ZCWPW2: variants seen among roughly 807,000 people sequenced by gnomAD.
ZCWPW2 encodes zinc finger CW-type PWWP domain protein 2.
A neutral mutation model predicts 46.6 loss-of-function variants in ZCWPW2; 45 were observed. That is an observed-to-expected ratio of 0.96 (90% CI 0.76 to 1.24). The LOEUF (loss-of-function observed/expected upper bound fraction) is 1.24. Ranked by LOEUF, ZCWPW2 falls within the 50% of genes most tolerant of loss-of-function variation. ZCWPW2 has a pLI of 0.00. For missense variants in ZCWPW2, 429 were observed against 403.9 expected (o/e 1.06, Z -0.53); for synonymous variants, 152 against 137.1 (o/e 1.11, Z -0.76).
intron 4 of ZCWPW2, among the ~76,000 whole-genome samples, chr3:28,466,641 A>T (rs979416909): frequency 6.6e-6 from 1 of 152,112 alleles, no homozygotes; most frequent in African/African-American, 2.4e-5. Flanking sequence ...TCTATTAAAA[A>T]TACAAAAATT....
chr3:28,518,843 G>A (rs575080695), intron 8 of ZCWPW2, among the ~76,000 whole-genome samples: 1 of 152,244 alleles, frequency 6.6e-6, no homozygotes, highest in Admixed American at 6.5e-5. Flanking sequence ...AGTGGAACTG[G>A]GGAATTGGTG....
chr3:28,498,971 G>A lies in ZCWPW2; in HGVS notation c.657+6798G>A, dbSNP rs185390224. Among the ~76,000 whole-genome samples, 385 of 152,110 alleles carry A rather than the reference G, an allele frequency of 2.5e-3. 1 individual carries two copies. The highest frequency in any genetic ancestry group is 8.5e-3 in the African/African-American group (352 of 41,504). ...CTTCATCCATGTCCCTGCAAAGGAC[G>A]TGAACTCATCCTTTTTTATGGCTGC... On this transcript the variant is annotated intron_variant, in intron 6 of 9. Transcript: ENST00000383768.
chr3:28,497,172 ATT>A (rs1700011782), intron 6 of ZCWPW2, among the ~76,000 whole-genome samples: 1 of 150,394 alleles, frequency 6.6e-6, no homozygotes, highest in Non-Finnish European at 1.5e-5. Flanking sequence ...CCATCTTTGC[ATT>A]GTGTTTTTGG....
chr3:28,350,417 T>C (rs1704501564), intron 1 of ZCWPW2, among the ~76,000 whole-genome samples: 1 of 152,204 alleles, frequency 6.6e-6, no homozygotes, highest in South Asian at 2.1e-4. Flanking sequence ...CATAAATCAG[T>C]ATTTTGAAGT....
chr3:28,491,368 T>C (rs1559527303), intron 5 of ZCWPW2, among the ~76,000 whole-genome samples: 1 of 152,160 alleles, frequency 6.6e-6, no homozygotes. Context: ...CACACATACA[T>C]ACTTTAGCAC....
intron 2 of ZCWPW2, among the ~76,000 whole-genome samples, chr3:28,396,988 G>T (rs1050592719): frequency 7.9e-5 from 12 of 152,076 alleles, no homozygotes; most frequent in Non-Finnish European, 1.5e-4. Context: ...AATTAGCTGG[G>T]CGTGGTGGCA....
intron 6 of ZCWPW2, among the ~76,000 whole-genome samples, chr3:28,501,495 C>G (rs1348817517): frequency 6.6e-6 from 1 of 152,142 alleles, no homozygotes; most frequent in African/African-American, 2.4e-5. Context: ...CAACGACGAC[C>G]TCCTATAAAT....
chr3:28,436,864 G>A (rs905886048), intron 4 of ZCWPW2, among the ~76,000 whole-genome samples: 7 of 152,124 alleles, frequency 4.6e-5, no homozygotes, highest in Admixed American at 2.6e-4. Context: ...TAAAGGATAC[G>A]GGAATCTTTT....
chr3:28,409,365 C>T (rs539204108), intron 2 of ZCWPW2, among the ~76,000 whole-genome samples: 1 of 152,130 alleles, frequency 6.6e-6, no homozygotes, highest in Non-Finnish European at 1.5e-5. Flanking sequence ...AATGATTCAC[C>T]AGCTTCAGCC....
chr3:28,516,556 C>T (rs1700579554), intron 8 of ZCWPW2, among the ~76,000 whole-genome samples: 1 of 152,080 alleles, frequency 6.6e-6, no homozygotes, highest in South Asian at 2.1e-4. Context: ...CAGTGAAATG[C>T]TTATTTGCAA....
intron 4 of ZCWPW2, among the ~76,000 whole-genome samples, chr3:28,474,212 G>T (rs1418578596): frequency 6.6e-6 from 1 of 152,040 alleles, no homozygotes; most frequent in Non-Finnish European, 1.5e-5. Context: ...GTCAAAACTC[G>T]GAACAGAAGT....
At chr3:28,392,177 A>G in intron 2 of ZCWPW2, among the ~76,000 whole-genome samples, 1 of 152,214 alleles carries the variant, frequency 6.6e-6, no homozygotes, top group Non-Finnish European at 1.5e-5. Context: ...GGCTACACAT[A>G]TTAGACAAAA....
intron 3 of ZCWPW2, among the ~76,000 whole-genome samples, chr3:28,420,024 T>G (rs1406673609): frequency 6.7e-6 from 1 of 150,060 alleles, no homozygotes; most frequent in East Asian, 2.0e-4. Context: ...TGTATACATA[T>G]GTAACAAACC....
chr3:28,477,411 A>T (rs1296347272), intron 4 of ZCWPW2, among the ~76,000 whole-genome samples: 1 of 152,218 alleles, frequency 6.6e-6, no homozygotes, highest in African/African-American at 2.4e-5. Context: ...AATACTTTGT[A>T]TAATATACCA....
chr3:28,354,210 G>C lies in ZCWPW2; in HGVS notation c.-134+5007G>C, dbSNP rs1313435218. Among the ~76,000 whole-genome samples, 2 of 152,052 alleles carry C rather than the reference G, an allele frequency of 1.3e-5. 1 individual carries two copies. The highest frequency in any genetic ancestry group is 3.8e-4 in the East Asian group (2 of 5,198). ...CCCACAGAGATACAAACTATCATCAGAGAATATTATAAACACCTTTAGGCA... is the reference window on the plus strand; with the variant it reads ...CCCACAGAGATACAAACTATCATCACAGAATATTATAAACACCTTTAGGCA... On this transcript the variant is annotated intron_variant, in intron 1 of 9. Coordinates refer to ENST00000383768, the MANE Select transcript of ZCWPW2 (RefSeq NM_001040432.4).
intron 4 of ZCWPW2, among the ~76,000 whole-genome samples, chr3:28,450,799 A>C (rs193299111): frequency 1.3e-5 from 2 of 152,288 alleles, no homozygotes; most frequent in African/African-American, 4.8e-5. Flanking sequence ...ACGTTTACCC[A>C]TATTGTCTAG....
intron 1 of ZCWPW2, among the ~76,000 whole-genome samples, chr3:28,388,671 A>G (rs1695371765): frequency 6.6e-6 from 1 of 152,202 alleles, no homozygotes; most frequent in Non-Finnish European, 1.5e-5. Context: ...AATAAGGAAG[A>G]ACTACTCATG....
chr3:28,466,778 GA>G (rs1040540064), intron 4 of ZCWPW2, among the ~76,000 whole-genome samples: 1 of 152,088 alleles, frequency 6.6e-6, no homozygotes, highest in Non-Finnish European at 1.5e-5. Context: ...CAGCCGGGGT[GA>G]CGAGCAAGAC....
intron 6 of ZCWPW2, among the ~76,000 whole-genome samples, chr3:28,499,041 C>T (rs921329311): frequency 6.6e-6 from 1 of 152,160 alleles, no homozygotes; most frequent in African/African-American, 2.4e-5. Context: ...TTTATCCATT[C>T]TATCATTGAT....
Sources: allele counts gnomAD v4.1 joint callset (sites outside exome capture counted in the v4.1 genomes callset), GRCh38; gene constraint gnomAD v4.1.1; transcripts MANE v1.5; gene names NCBI Gene and HGNC (gene_info 2026-07-23, HGNC 2026-07-21).